The following VPS50 variants were observed in gnomAD, a reference collection of about 807,000 sequenced individuals.
VPS50 encodes the protein syndetin.
A neutral mutation model predicts 139.7 loss-of-function variants in VPS50; 70 were observed. The observed-to-expected ratio is 0.50, with a 90% CI of 0.41 to 0.61. VPS50 has a LOEUF of 0.61. Among genes scored for constraint, VPS50 ranks in the 20% least tolerant of loss-of-function variants. The pLI is 0.00. For synonymous variants in VPS50, 365 were observed against 376.7 expected (o/e 0.97, Z 0.36); for missense variants, 921 against 1,133.7 (o/e 0.81, Z 2.69).
intron 21 of VPS50, among the ~76,000 whole-genome samples, chr7:93,324,390 T>A (rs1797706591): frequency 6.6e-6 from 1 of 152,138 alleles, no homozygotes; most frequent in South Asian, 2.1e-4. Context: ...ATGCTTCCAG[T>A]TTTTGCCCAT....
In VPS50 at chr7:93,356,055, T is replaced by C. The variant is rs1478392978; in HGVS notation, c.2750T>C (p.Met917Thr). ...IKAYYLTEND[M>T]ERWIKEHREY... ...GCTTATTACCTAACTGAGAATGACA[T>C]GGAACGGTGGATCAAAGAGCACAGG... is the stretch of plus-strand genomic sequence containing the variant. The change falls in exon 27 of 28, where the codon ATG (methionine) becomes ACG (threonine). Residue 917 changes from methionine (M) to threonine (T), a missense_variant. Met to Thr is a moderately conservative substitution (Grantham distance 81). This residue lies in a region of VPS50 where 158 missense variants were observed against 156.3 expected (regional missense o/e 1.01). Coordinates refer to ENST00000305866, the MANE Select transcript of VPS50 (RefSeq NM_017667.4). 1.3e-6 allele frequency: 2 copies of C among 1,517,142 alleles called. No homozygotes were observed. The highest frequency in any genetic ancestry group is 9.0e-7 in the Non-Finnish European group (1 of 1,116,230). 94.0% of individuals were successfully genotyped at this position (1,517,142 alleles called of 1,614,324 possible). A position where few individuals can be genotyped will look rare whatever the true frequency, so the allele number is the denominator to read the frequency against.
At chr7:93,303,235 T>G (rs1158163726) in intron 16 of VPS50, among the ~76,000 whole-genome samples, 2 of 152,052 alleles carry the variant, frequency 1.3e-5, no homozygotes, top group South Asian at 4.1e-4. Context: ...TAAAAATACT[T>G]AGTTTAGTAA....
chr7:93,346,369 G>A (rs1033370664), intron 23 of VPS50, among the ~76,000 whole-genome samples: 3 of 152,158 alleles, frequency 2.0e-5, no homozygotes, highest in Non-Finnish European at 4.4e-5. Flanking sequence ...TGGGTAGGAA[G>A]AATCAATATA....
chr7:93,254,077 C>T, intron 4 of VPS50, 146 bp downstream of exon 4: 1 of 488,202 alleles, frequency 2.0e-6, no homozygotes, highest in African/African-American at 2.0e-5. Context: ...TCAAATGATG[C>T]ATTTACATTA....
intron 8 of VPS50, 158 bp from the exon 9 acceptor site, chr7:93,259,392 T>G (rs1795596549): frequency 2.1e-6 from 1 of 472,650 alleles, no homozygotes; most frequent in Non-Finnish European, 3.8e-6. Context: ...TAGTTGCCTC[T>G]TATATTTTGT....
chr7:93,309,356 A>G (rs549353409), intron 19 of VPS50, among the ~76,000 whole-genome samples: 2 of 152,048 alleles, frequency 1.3e-5, no homozygotes, highest in East Asian at 3.9e-4. Flanking sequence ...GCAAGATTCT[A>G]GTTCCTTTTT....
At position 93,305,910 on chromosome 7, in the gene VPS50, C is replaced by A. The variant is rs1203724517; in HGVS notation, c.1535C>A (p.Thr512Asn). ...GTCTCAACTTCTTCAAAAACAGTGA[C>A]CTTGTTTGAGCAGTACTGTAGTGGT... ...QPVSTSSKTV[T>N]LFEQYCSGGN... Residue 512 changes from threonine to asparagine, a missense_variant, in exon 18 of 28, where the codon ACC becomes AAC. Thr to Asn is a moderately conservative substitution (Grantham distance 65, BLOSUM62 0). Transcript: ENST00000305866. 3.1e-6 allele frequency: 5 copies of A among 1,611,912 alleles called. No individual in the cohort carries two copies. The highest frequency in any genetic ancestry group is 2.2e-5 in the South Asian group (2 of 91,018).
At chr7:93,240,585 G>A (rs891857755) in intron 2 of VPS50, among the ~76,000 whole-genome samples, 5 of 152,230 alleles carry the variant, frequency 3.3e-5, no homozygotes, top group African/African-American at 1.2e-4. Context: ...TTTTTCTGGA[G>A]TGTTGCTGCT....
intron 11 of VPS50, among the ~76,000 whole-genome samples, chr7:93,273,704 T>TA (rs1353734603): frequency 6.6e-6 from 1 of 152,148 alleles, no homozygotes; most frequent in Non-Finnish European, 1.5e-5. Flanking sequence ...TTATGTATCT[T>TA]ACCTTTTAGT....
At chr7:93,239,030 C>T (rs2116771338) in intron 1 of VPS50, among the ~76,000 whole-genome samples, 1 of 152,224 alleles carries the variant, frequency 6.6e-6, no homozygotes, top group South Asian at 2.1e-4. Flanking sequence ...TGCTCTGAGT[C>T]TCAAATAGTC....
chr7:93,287,019 AC>A (rs1347197198), intron 12 of VPS50, among the ~76,000 whole-genome samples: 1 of 149,578 alleles, frequency 6.7e-6, no homozygotes, highest in Non-Finnish European at 1.5e-5. Flanking sequence ...TAAAAAAAAA[AC>A]TACCCCACCT....
chr7:93,274,130 A>G (rs1796086569), intron 11 of VPS50, among the ~76,000 whole-genome samples: 1 of 152,086 alleles, frequency 6.6e-6, no homozygotes, highest in Admixed American at 6.6e-5. Flanking sequence ...AAATAGGCCA[A>G]TTAATAAACC....
chr7:93,308,445 GA>G (rs139671644), intron 18 of VPS50, among the ~76,000 whole-genome samples: 2,383 of 151,852 alleles, frequency 0.016, 80 homozygotes, highest in African/African-American at 0.055. Context: ...ATTGGATACT[GA>G]ACCTCTTTTT....
chr7:93,269,811 T>G (rs1025850352), intron 9 of VPS50, among the ~76,000 whole-genome samples: 1 of 152,064 alleles, frequency 6.6e-6, no homozygotes, highest in African/African-American at 2.4e-5. Flanking sequence ...TATTTTTGTT[T>G]TGATTTATTT....
chr7:93,333,919 CA>C (rs1798003679), intron 21 of VPS50, 197 bp from the exon 22 acceptor site: 1 of 515,304 alleles, frequency 1.9e-6, no homozygotes, highest in African/African-American at 2.0e-5. Flanking sequence ...CCTATAAATG[CA>C]CACAGGTAAA....
At chr7:93,342,614 C>A (rs1798252323) in intron 23 of VPS50, among the ~76,000 whole-genome samples, 1 of 152,228 alleles carries the variant, frequency 6.6e-6, no homozygotes, top group Non-Finnish European at 1.5e-5. Flanking sequence ...GTTCTCCCAG[C>A]ACGCAGCTGG....
At chr7:93,330,997 T>TAA (rs34559868) in intron 21 of VPS50, among the ~76,000 whole-genome samples, 6 of 151,324 alleles carry the variant, frequency 4.0e-5, no homozygotes, top group African/African-American at 7.3e-5. Flanking sequence ...AGTTTGAAAA[T>TAA]AAAAAATTTT....
intron 20 of VPS50, among the ~76,000 whole-genome samples, chr7:93,314,886 C>T (rs150090719): frequency 2.4e-4 from 36 of 152,008 alleles, no homozygotes; most frequent in African/African-American, 8.4e-4. Flanking sequence ...TGAAGTTTCT[C>T]AGCAGTTTAG....
intron 9 of VPS50, chr7:93,270,972 G>T: frequency 2.5e-6 from 1 of 393,144 alleles, no homozygotes. Flanking sequence ...TAATTCTTCA[G>T]TTTTTTTATT....
Sources: allele counts gnomAD v4.1 joint callset (sites outside exome capture counted in the v4.1 genomes callset), GRCh38; gene constraint gnomAD v4.1.1; regional missense constraint gnomAD v4.1.1; transcripts MANE v1.5; gene names NCBI Gene and HGNC (gene_info 2026-07-23, HGNC 2026-07-21).